The following ASB13 variants were observed in gnomAD, a reference collection of about 807,000 sequenced individuals.
ASB13 encodes the protein ankyrin repeat and SOCS box protein 13.
Under a neutral mutation model 28.8 loss-of-function variants are expected in ASB13, and 33 were observed. The observed-to-expected ratio is 1.15, with a 90% CI of 0.87 to 1.53. The LOEUF (loss-of-function observed/expected upper bound fraction) is 1.53, where lower values mean the gene tolerates loss of function less well. ASB13 is among the 40% of genes most tolerant of loss of function. The probability of loss-of-function intolerance (pLI) is 0.00; values close to 1 mark genes in which losing one functional copy is unlikely to be tolerated. For synonymous variants in ASB13, 182 were observed against 172.9 expected (o/e 1.05, Z -0.41); for missense variants, 414 against 390.1 (o/e 1.06, Z -0.52).
rs146475923 is a variant in ASB13 at position 5,657,205 on chromosome 10, C to T, written c.44-4155G>A. Among the ~76,000 whole-genome samples the T allele has an allele frequency of 7.6e-4, 116 of 152,196 alleles. 1 individual carries two copies. Among genetic ancestry groups the T allele is most frequent in the Non-Finnish European group, 1.3e-3 (87 of 68,014 alleles). On this transcript the variant is annotated intron_variant, in intron 1 of 5. Transcript: ENST00000357700. ...TGATAAGAAAAAAAGAAAAAAGAAA[C>T]TTCCGTGCATCAAAGGGCACAATCA...
chr10:5,643,656 T>A (rs899558073), intron 4 of ASB13, among the ~76,000 whole-genome samples: 1 of 152,248 alleles, frequency 6.6e-6, no homozygotes, highest in African/African-American at 2.4e-5. Context: ...TCCTCCAGTA[T>A]AATGTTGCAA....
Position 5,641,706 on chromosome 10 carries a change from C to A in ASB13, c.709+64G>T. 1 of 1,489,082 alleles carries A rather than the reference C, an allele frequency of 6.7e-7. No homozygotes were observed. The highest frequency in any genetic ancestry group is 1.3e-5 in the South Asian group (1 of 77,840). The allele number at this position is 1,489,082 out of a possible 1,614,324, so 92.2% of individuals were successfully genotyped here. Reference sequence around the variant, plus strand: ...CTCTCCGCGGAAGCCCACAGGGAGCCGGCACGTCAGGGGTCCAGGCTGAAG... The same window carrying A: ...CTCTCCGCGGAAGCCCACAGGGAGCAGGCACGTCAGGGGTCCAGGCTGAAG... On this transcript the variant is annotated intron_variant, in intron 5 of 5. Transcript: ENST00000357700. This position sits in a 1 kb window ranked among gnomAD's most constrained non-coding sequence, Gnocchi z 8.4.
In ASB13 at chr10:5,661,174, G is replaced by A. The variant is rs1271328198; in HGVS notation, c.43+5335C>T. ...CCCCCTAGAGAGCCTGTGTCTAGGA[G>A]GCAGCTGGCCTGCTGGCCCCTGCAC... On this transcript the variant is annotated intron_variant, in intron 1 of 5. Transcript: ENST00000357700. This position sits in a 1 kb window ranked among gnomAD's most constrained non-coding sequence, Gnocchi z 4.9. 6.6e-6 allele frequency among the ~76,000 whole-genome samples: 1 copy of A among 152,090 alleles called. No individual in the cohort carries two copies. The highest frequency in any genetic ancestry group is 2.4e-5 in the African/African-American group (1 of 41,412).
At chr10:5,653,461 T>C (rs1239071678) in intron 1 of ASB13, among the ~76,000 whole-genome samples, 1 of 152,218 alleles carries the variant, frequency 6.6e-6, no homozygotes, top group Non-Finnish European at 1.5e-5. Context: ...AAACAACTTC[T>C]CTGGGAAACA....
chr10:5,647,187 G>A (rs78909240), intron 4 of ASB13, among the ~76,000 whole-genome samples: 35 of 152,198 alleles, frequency 2.3e-4, no homozygotes, highest in African/African-American at 7.0e-4. Context: ...TGAAACTCCC[G>A]GGCTCAAGCA....
chr10:5,660,898 AGT>A lies in ASB13; in HGVS notation c.43+5609_43+5610del, dbSNP rs1835148588. ...CTCCCTGCCTTGCAAGCCACCCAGC[AGT>A]GTGCCGGGCCATCTCGCCAGCTGGC... On this transcript the variant is annotated intron_variant, in intron 1 of 5. Coordinates refer to ENST00000357700, the MANE Select transcript of ASB13 (RefSeq NM_024701.4). The surrounding 1 kb of genome is among the most constrained non-coding windows in gnomAD (Gnocchi z 6.1). Among the ~76,000 whole-genome samples, 1 of 152,148 alleles carries A rather than the reference AGT, an allele frequency of 6.6e-6. No individual in the cohort carries two copies. The highest frequency in any genetic ancestry group is 2.4e-5 in the African/African-American group (1 of 41,426).
rs569915376 is a variant in ASB13 at position 5,652,001 on chromosome 10, CAAAAAAAA to C, written c.232-646_232-639del. 3.9e-5 allele frequency among the ~76,000 whole-genome samples: 2 copies of C among 50,794 alleles called. No homozygotes were observed. The highest frequency in any genetic ancestry group is 2.5e-3 in the South Asian group (2 of 814). The allele number at this position is 50,794 out of a possible 152,430, so 33.3% of individuals were successfully genotyped here. ...TAGGCGACAGAGAAAGACCTTATCT[CAAAAAAAA>C]AAAAAAAAAAAAAAAACCACACACA... On this transcript the variant is annotated intron_variant, in intron 2 of 5. Transcript: ENST00000357700. The surrounding 1 kb of genome is among the most constrained non-coding windows in gnomAD (Gnocchi z 5.0).
At position 5,652,754 on chromosome 10, in the gene ASB13, G is replaced by T; in HGVS notation, c.231+109C>A. On this transcript the variant is annotated intron_variant, in intron 2 of 5. Coordinates refer to ENST00000357700, the MANE Select transcript of ASB13 (RefSeq NM_024701.4). This position sits in a 1 kb window ranked among gnomAD's most constrained non-coding sequence, Gnocchi z 5.0. ...GGCTTCCTGGTACCTGTGTGCAGTG[G>T]ACACAGTGCAGCCCCCATCCTCCCC... 1.7e-6 allele frequency: 2 copies of T among 1,171,608 alleles called. No individual in the cohort carries two copies. The highest frequency in any genetic ancestry group is 2.3e-6 in the Non-Finnish European group (2 of 871,228). The allele number at this position is 1,171,608 out of a possible 1,614,324, so 72.6% of individuals were successfully genotyped here.
Position 5,645,604 on chromosome 10 carries a change from T to C in ASB13, c.517+3366A>G, listed in dbSNP as rs7080382. 0.99 allele frequency among the ~76,000 whole-genome samples: 151,273 copies of C among 152,290 alleles called. 75,138 individuals carry two copies. The highest frequency in any genetic ancestry group is 1 in the East Asian group (5,156 of 5,156). On this transcript the variant is annotated intron_variant, in intron 4 of 5. Coordinates refer to ENST00000357700, the MANE Select transcript of ASB13 (RefSeq NM_024701.4). The surrounding 1 kb of genome is among the most constrained non-coding windows in gnomAD (Gnocchi z 5.4). Reference sequence around the variant, plus strand: ...CACAGCTCAGCTCTCAAACCGCACATGAAAGCACCTGCACTCATGTGGGCC... The same window carrying C: ...CACAGCTCAGCTCTCAAACCGCACACGAAAGCACCTGCACTCATGTGGGCC...
rs1313059303 is a variant in ASB13, at chr10:5,641,075, GGTTTTTT to G, written c.710-252_710-246del. ...GCTTTGGGAGTTTGTTTGGTTTTGA[GGTTTTTT>G]GTTTTTTGTTTTTTGAGACAGAAAA... On this transcript the variant is annotated intron_variant, in intron 5 of 5. Coordinates refer to ENST00000357700, the MANE Select transcript of ASB13 (RefSeq NM_024701.4). The surrounding 1 kb of genome is among the most constrained non-coding windows in gnomAD (Gnocchi z 8.4). Among the ~76,000 whole-genome samples the G allele has an allele frequency of 2.0e-4, 30 of 151,988 alleles. No individual in the cohort carries two copies. Among genetic ancestry groups the G allele is most frequent in the Non-Finnish European group, 2.6e-4 (18 of 67,988 alleles).
In ASB13 at chr10:5,660,234, A is replaced by G. The variant is rs1835138713; in HGVS notation, c.43+6275T>C. Among the ~76,000 whole-genome samples, 1 of 152,206 alleles carries G rather than the reference A, an allele frequency of 6.6e-6. No individual in the cohort carries two copies. Among genetic ancestry groups the G allele is most frequent in the Non-Finnish European group, 1.5e-5 (1 of 68,044 alleles). On this transcript the variant is annotated intron_variant, in intron 1 of 5. Transcript: ENST00000357700. This position sits in a 1 kb window ranked among gnomAD's most constrained non-coding sequence, Gnocchi z 6.1. ...AGACTACGGCAGACGTCACCTTGAG[A>G]AGGAATGACACGTGCTTCAGAACGT...
intron 1 of ASB13, among the ~76,000 whole-genome samples, chr10:5,662,277 G>A (rs1002276124): frequency 2.6e-5 from 4 of 152,060 alleles, no homozygotes; most frequent in African/African-American, 9.6e-5. Flanking sequence ...CCAGCACTTC[G>A]GGAGGCTGAG....
rs905525630 is a variant in ASB13, at chr10:5,642,098, C to T, written c.518-137G>A. 24 of 767,338 alleles carry T rather than the reference C, an allele frequency of 3.1e-5. No homozygotes were observed. The highest frequency in any genetic ancestry group is 1.4e-4 in the African/African-American group (8 of 57,700). 47.5% of individuals were successfully genotyped at this position (767,338 alleles called of 1,614,324 possible). On this transcript the variant is annotated intron_variant, in intron 4 of 5. Transcript: ENST00000357700. This position sits in a 1 kb window ranked among gnomAD's most constrained non-coding sequence, Gnocchi z 4.1. ...AAGACAAAATCAGGACAGACTCTACCGTAGCTTTCAAAAATGTTTTTCAAC... is the reference window on the plus strand; with the variant it reads ...AAGACAAAATCAGGACAGACTCTACTGTAGCTTTCAAAAATGTTTTTCAAC...
intron 5 of ASB13, 150 bp from the exon 6 acceptor site, chr10:5,640,980 A>G: frequency 9.8e-7 from 1 of 1,023,926 alleles, no homozygotes; most frequent in South Asian, 1.7e-5. Context: ...AAGGACAGCC[A>G]GGAACCCGAG....
In ASB13 at chr10:5,663,441, G is replaced by A. The variant is rs1835206405; in HGVS notation, c.43+3068C>T. Among the ~76,000 whole-genome samples the A allele has an allele frequency of 6.6e-6, 1 of 152,128 alleles. No individual in the cohort carries two copies. The highest frequency in any genetic ancestry group is 2.1e-4 in the South Asian group (1 of 4,834). The stretch of plus-strand genomic sequence containing the variant: ...CTACCCCGACTCCTCCCTTGCCCCT[G>A]GTCCACCCCAAAGGCTATGGCCCAG... On this transcript the variant is annotated intron_variant, in intron 1 of 5. Coordinates refer to ENST00000357700, the MANE Select transcript of ASB13 (RefSeq NM_024701.4). The surrounding 1 kb of genome is among the most constrained non-coding windows in gnomAD (Gnocchi z 4.9).
intron 1 of ASB13, among the ~76,000 whole-genome samples, chr10:5,657,029 G>A (rs1464885377): frequency 6.6e-6 from 1 of 152,168 alleles, no homozygotes; most frequent in Non-Finnish European, 1.5e-5. Context: ...TCTGGGTTCA[G>A]TTACAACTAG....
At position 5,641,826 on chromosome 10, in the gene ASB13, G is replaced by A. The variant is rs564380910; in HGVS notation, c.653C>T (p.Pro218Leu). 1.6e-5 allele frequency: 26 copies of A among 1,612,872 alleles called. No individual in the cohort carries two copies. Among genetic ancestry groups the A allele is most frequent in the African/African-American group, 8.0e-5 (6 of 75,020 alleles). The part of the protein sequence containing the change: ...IYARDNRGKK[P>L]SDYTWSSSAP... ...GCTGCTGCTCCACGTGTAGTCAGAC[G>A]GCTTCTTCCCGCGGTTGTCCCGGGC... Residue 218 changes from proline (P) to leucine (L), a missense_variant, in exon 5 of 6, where the codon CCG (proline) becomes CTG (leucine). Pro to Leu is a moderately conservative substitution (Grantham distance 98). Coordinates refer to ENST00000357700, the MANE Select transcript of ASB13 (RefSeq NM_024701.4). The surrounding 1 kb of genome is among the most constrained non-coding windows in gnomAD (Gnocchi z 8.4).
intron 4 of ASB13, among the ~76,000 whole-genome samples, chr10:5,646,022 G>A (rs918290884): frequency 9.2e-5 from 14 of 152,310 alleles, no homozygotes; most frequent in South Asian, 8.3e-4. Flanking sequence ...CAGGAATCCC[G>A]CGTGGAGCTG....
Position 5,639,994 on chromosome 10 carries a change from AGACCTAATACT to A in ASB13, c.*698_*708del, listed in dbSNP as rs1834780482. 1 of 152,646 alleles carries A rather than the reference AGACCTAATACT, an allele frequency of 6.6e-6. No individual in the cohort carries two copies. The highest frequency in any genetic ancestry group is 6.5e-5 in the Admixed American group (1 of 15,278). The allele number at this position is 152,646 out of a possible 1,614,324, so 9.5% of individuals were successfully genotyped here. A position where few individuals can be genotyped will look rare whatever the true frequency, so the allele number is the denominator to read the frequency against. On this transcript the variant is annotated 3_prime_UTR_variant, in exon 6 of 6. Coordinates refer to ENST00000357700, the MANE Select transcript of ASB13 (RefSeq NM_024701.4). ...CATATAAACTTTTTACAAGAGTTGG[AGACCTAATACT>A]GAAGACAAATTTCCTAAGAAACTCA...
Sources: allele counts gnomAD v4.1 joint callset (sites outside exome capture counted in the v4.1 genomes callset), GRCh38; gene constraint gnomAD v4.1.1; non-coding constraint Gnocchi (gnomAD v3.1); transcripts MANE v1.5; gene names NCBI Gene and HGNC (gene_info 2026-07-23, HGNC 2026-07-21).